The following TAF5L variants were observed in gnomAD, a reference collection of about 807,000 sequenced individuals.
The protein encoded by TAF5L is TATA-box binding protein associated factor 5 like, also known as TAF5-like RNA polymerase II p300/CBP-associated factor-associated factor 65 kDa subunit 5L.
TAF5L carries 7 observed loss-of-function variants against 51.3 expected under a neutral mutation model. That is an observed-to-expected ratio of 0.14 (90% CI 0.08 to 0.26). The LOEUF (loss-of-function observed/expected upper bound fraction) is 0.26, where lower values mean the gene tolerates loss of function less well. Ranked by LOEUF, TAF5L falls within the 10% of genes least tolerant of loss-of-function variation. The pLI is 1.00. For missense variants in TAF5L, 575 were observed against 758.9 expected (o/e 0.76, Z 2.85); for synonymous variants, 291 against 308.1 (o/e 0.94, Z 0.58).
chr1:229,610,095 T>C lies in TAF5L; in HGVS notation c.247+11A>G, dbSNP rs772818308. On this transcript the variant is annotated intron_variant, in intron 3 of 4. Transcript: ENST00000258281. ...TCTTAAAAAGAAAAGGTTCTAGAGC[T>C]GAGTACTTACCAGTGAGAAAATTCC... The C allele has an allele frequency of 1.2e-6, 2 of 1,612,754 alleles. No homozygotes were observed. Among genetic ancestry groups the C allele is most frequent in the African/African-American group, 1.3e-5 (1 of 74,910 alleles).
chr1:229,603,028 T>C, intron 3 of TAF5L, 109 bp from the exon 4 acceptor site: 1 of 1,440,210 alleles, frequency 6.9e-7, no homozygotes, highest in Non-Finnish European at 9.1e-7. Context: ...CAGGACCCCA[T>C]TTTTTAAGAG....
intron 1 of TAF5L, among the ~76,000 whole-genome samples, chr1:229,616,590 CCAAA>C (rs1385906704): frequency 6.6e-6 from 1 of 152,084 alleles, no homozygotes; most frequent in African/African-American, 2.4e-5. Flanking sequence ...TGGTGAATAA[CCAAA>C]CAAATGTTTT....
At chr1:229,618,846 G>T (rs1571853595) in intron 1 of TAF5L, among the ~76,000 whole-genome samples, 1 of 152,032 alleles carries the variant, frequency 6.6e-6, no homozygotes, top group South Asian at 2.1e-4. Flanking sequence ...GTACTACACA[G>T]TTCCACGAAA....
At position 229,594,111 on chromosome 1, in the gene TAF5L, C is replaced by T. The variant is rs1256717525; in HGVS notation, c.*186G>A. 3.1e-6 allele frequency: 2 copies of T among 641,420 alleles called. No individual in the cohort carries two copies. The highest frequency in any genetic ancestry group is 5.4e-6 in the Non-Finnish European group (2 of 368,168). The allele number at this position is 641,420 out of a possible 1,614,324, so 39.7% of individuals were successfully genotyped here. A position where few individuals can be genotyped will look rare whatever the true frequency, so the allele number is the denominator to read the frequency against. ...CACTCATCATTGCCTCTCTCCTGTT[C>T]CCCTCCCCAACCTTGGCCTTCGACA... On this transcript the variant is annotated 3_prime_UTR_variant, in exon 5 of 5. Transcript: ENST00000258281. This position sits in a 1 kb window ranked among gnomAD's most constrained non-coding sequence, Gnocchi z 7.9.
chr1:229,596,661 A>T (rs945269590), intron 4 of TAF5L, among the ~76,000 whole-genome samples: 1 of 152,204 alleles, frequency 6.6e-6, no homozygotes, highest in Non-Finnish European at 1.5e-5. Flanking sequence ...TCTCCCCACA[A>T]GTATACCATC....
intron 2 of TAF5L, among the ~76,000 whole-genome samples, chr1:229,610,426 C>T (rs1664745492): frequency 1.3e-5 from 2 of 152,114 alleles, no homozygotes; most frequent in Non-Finnish European, 2.9e-5. Flanking sequence ...AAATGAAGGC[C>T]AGGGAAGGAA....
chr1:229,620,005 C>T (rs1392051968), intron 1 of TAF5L, among the ~76,000 whole-genome samples: 1 of 152,098 alleles, frequency 6.6e-6, no homozygotes, highest in African/African-American at 2.4e-5. Flanking sequence ...TTAATGGTGC[C>T]ACTATCCACC....
In TAF5L at chr1:229,602,453, G is replaced by A. The variant is rs143676179; in HGVS notation, c.714C>T (p.Ala238=). 1 of 1,613,908 alleles carries A rather than the reference G, an allele frequency of 6.2e-7. No individual in the cohort carries two copies. Among genetic ancestry groups the A allele is most frequent in the African/African-American group, 1.3e-5 (1 of 74,862 alleles). The change falls in exon 4 of 5, where the codon GCC becomes GCT. Residue 238 remains alanine, a synonymous_variant. Transcript: ENST00000258281. The surrounding 1 kb of genome is among the most constrained non-coding windows in gnomAD (Gnocchi z 4.6). ...TAATGCTCTCCTGTAAGACCTCTAG[G>A]GCAGCCTCGTTCTGCAGAATAGGGC...
At position 229,625,375 on chromosome 1, in the gene TAF5L, G is replaced by GA. The variant is rs1665407947; in HGVS notation, c.-4+509_-4+510insT. ...TCCTGCAGCAGCTAGTCTAACTCTG[G>GA]CTCCCCCGTGTCACACGCGGAGATC... On this transcript the variant is annotated intron_variant, in intron 1 of 4. Transcript: ENST00000258281. The surrounding 1 kb of genome is among the most constrained non-coding windows in gnomAD (Gnocchi z 4.0). 6.6e-6 allele frequency among the ~76,000 whole-genome samples: 1 copy of GA among 152,062 alleles called. No homozygotes were observed. Among genetic ancestry groups the GA allele is most frequent in the Admixed American group, 6.5e-5 (1 of 15,270 alleles).
At chr1:229,599,700 T>A (rs1205460728) in intron 4 of TAF5L, 1 of 489,792 alleles carries the variant, frequency 2.0e-6, no homozygotes, top group Non-Finnish European at 2.6e-6. Context: ...CCATTTGGAC[T>A]GTTTCCACTT....
intron 4 of TAF5L, chr1:229,601,288 T>C: frequency 2.0e-6 from 2 of 985,356 alleles, no homozygotes; most frequent in South Asian, 9.4e-5. Context: ...ATTAGAGTGA[T>C]TTTTTTGCTC....
rs760269718 is a variant in TAF5L at position 229,602,237 on chromosome 1, G to A, written c.930C>T (p.Asp310=). 2.4e-5 allele frequency: 38 copies of A among 1,614,052 alleles called. No homozygotes were observed. Among genetic ancestry groups the A allele is most frequent in the African/African-American group, 1.3e-4 (10 of 74,914 alleles). Reference sequence around the variant, plus strand: ...CACAAGCCAAATGGATGCGGGACACGTCTACTTGGTGGGGCTCTGATTTTA... The same window carrying A: ...CACAAGCCAAATGGATGCGGGACACATCTACTTGGTGGGGCTCTGATTTTA... The change falls in exon 4 of 5, where the codon GAC becomes GAT. Residue 310 remains aspartate, a synonymous_variant. Transcript: ENST00000258281. The surrounding 1 kb of genome is among the most constrained non-coding windows in gnomAD (Gnocchi z 4.6).
Position 229,594,874 on chromosome 1 carries a change from T to G in TAF5L, c.1193A>C (p.Tyr398Ser), listed in dbSNP as rs1571825309. The G allele has an allele frequency of 6.2e-7, 1 of 1,614,186 alleles. No homozygotes were observed. The highest frequency in any genetic ancestry group is 8.5e-7 in the Non-Finnish European group (1 of 1,180,022). ...GCGGTCGTGGGACCCGCTGGCGAAG[T>G]ACAGGCTATATGGACTGATGTCCAG... Residue 398 changes from tyrosine to serine, a missense_variant, in exon 5 of 5, where the codon TAC becomes TCC. Tyr to Ser is a moderately radical substitution (Grantham distance 144, BLOSUM62 -2). This residue lies in a region of TAF5L where 104 missense variants were observed against 218.3 expected (regional missense o/e 0.48). Coordinates refer to ENST00000258281, the Ensembl canonical transcript of TAF5L. This position sits in a 1 kb window ranked among gnomAD's most constrained non-coding sequence, Gnocchi z 7.9.
intron 4 of TAF5L, chr1:229,601,974 C>T: frequency 7.3e-7 from 1 of 1,374,526 alleles, no homozygotes; most frequent in African/African-American, 1.5e-5. Flanking sequence ...TAAATACTGA[C>T]CATTCATTAA....
Position 229,600,389 on chromosome 1 carries a change from AAGCC to A in TAF5L, c.972+1802_972+1805del, listed in dbSNP as rs534455976. On this transcript the variant is annotated intron_variant, in intron 4 of 4. Transcript: ENST00000258281. ...TACTTTCAGTATGAACCATGATGGA[AAGCC>A]AGAAATGCTTAAACAAAACCACCAT... 2.5e-5 allele frequency: 25 copies of A among 985,468 alleles called. No homozygotes were observed. In the Middle Eastern group the frequency reaches 2.6e-3, roughly 103 times the overall value. 61.0% of individuals were successfully genotyped at this position (985,468 alleles called of 1,614,324 possible). A position where few individuals can be genotyped will look rare whatever the true frequency, so the allele number is the denominator to read the frequency against.
intron 3 of TAF5L, chr1:229,606,476 T>C: frequency 1.0e-6 from 1 of 985,418 alleles, no homozygotes. Context: ...CATGAGTTCA[T>C]GGAAATTAGT....
chr1:229,610,320 T>C, intron 2 of TAF5L, 110 bp from the exon 3 acceptor site: 1 of 968,096 alleles, frequency 1.0e-6, no homozygotes, highest in Non-Finnish European at 1.6e-6. Context: ...GCACAGCAAC[T>C]GACATTTCAG....
At chr1:229,611,257 C>T (rs1191164559) in intron 2 of TAF5L, among the ~76,000 whole-genome samples, 1 of 152,108 alleles carries the variant, frequency 6.6e-6, no homozygotes, top group African/African-American at 2.4e-5. Context: ...ACTTAATCTC[C>T]AATCTGTGAG....
At chr1:229,617,011 T>G (rs936508422) in intron 1 of TAF5L, among the ~76,000 whole-genome samples, 1 of 152,236 alleles carries the variant, frequency 6.6e-6, no homozygotes, top group African/African-American at 2.4e-5. Context: ...CTTCTCACTA[T>G]GAAATTTACC....
Sources: gnomAD v4.1 joint callset for allele counts (sites outside exome capture counted in the v4.1 genomes callset) on GRCh38, gnomAD v4.1.1 for gene constraint, gnomAD v4.1.1 regional missense constraint, Gnocchi (gnomAD v3.1) non-coding constraint, MANE v1.5 for transcripts, NCBI Gene and HGNC (gene_info 2026-07-23, HGNC 2026-07-21) for gene names.